GPHN: variants seen among roughly 807,000 people sequenced by gnomAD.
GPHN encodes gephyrin.
Under a neutral mutation model 95.5 loss-of-function variants are expected in GPHN, and 17 were observed. That is an observed-to-expected ratio of 0.18 (90% CI 0.12 to 0.27). GPHN has a LOEUF of 0.27. Among genes scored for constraint, GPHN ranks in the 10% least tolerant of loss-of-function variants. The pLI is 1.00. For synonymous variants in GPHN, 320 were observed against 322.5 expected (o/e 0.99, Z 0.08); for missense variants, 660 against 978.1 (o/e 0.67, Z 4.34).
the GPHN span, among the ~76,000 whole-genome samples, chr14:67,723,892 C>T: frequency 2.6e-5 from 4 of 152,212 alleles, no homozygotes; most frequent in African/African-American, 7.2e-5. Context: ...TGTTTGCCAT[C>T]GGCCAGAATG....
At chr14:67,650,908 T>G in the GPHN span, 11 of 1,613,900 alleles carry the variant, frequency 6.8e-6, no homozygotes, top group African/African-American at 1.3e-5. Flanking sequence ...ATCAAGCACG[T>G]GTGAGAATTT....
At chr14:67,487,391 A>C in the GPHN span, among the ~76,000 whole-genome samples, 5 of 152,192 alleles carry the variant, frequency 3.3e-5, no homozygotes, top group African/African-American at 1.2e-4. Context: ...GACAATCCAC[A>C]TGTCCAGGGT....
At chr14:67,680,010 A>G in the GPHN span, among the ~76,000 whole-genome samples, 1 of 152,216 alleles carries the variant, frequency 6.6e-6, no homozygotes, top group African/African-American at 2.4e-5. Context: ...AGTGGGATTC[A>G]AAGTGTGCAC....
intron 1 of GPHN, among the ~76,000 whole-genome samples, chr14:66,575,835 T>C (rs1016955020): frequency 6.6e-6 from 1 of 152,112 alleles, no homozygotes; most frequent in Non-Finnish European, 1.5e-5. Flanking sequence ...GTCTGGGATC[T>C]ACTGGAGTGG....
the GPHN span, chr14:67,279,058 T>G: frequency 1.0e-6 from 1 of 1,004,814 alleles, no homozygotes; most frequent in Non-Finnish European, 1.4e-6. Flanking sequence ...TATTATGTGA[T>G]GTGAGAAGTT....
chr14:66,850,159 T>C (rs1023339211), intron 4 of GPHN, among the ~76,000 whole-genome samples: 2 of 152,174 alleles, frequency 1.3e-5, no homozygotes, highest in African/African-American at 4.8e-5. Context: ...TAATGGTCTA[T>C]TCATAGATAT....
At chr14:67,488,694 A>T in the GPHN span, 1 of 152,582 alleles carries the variant, frequency 6.6e-6, no homozygotes, top group Middle Eastern at 3.4e-3. Context: ...CTAGGCCCTC[A>T]GCCACATCCA....
At chr14:66,679,035 C>T (rs1433852340) in intron 1 of GPHN, among the ~76,000 whole-genome samples, 1 of 152,150 alleles carries the variant, frequency 6.6e-6, no homozygotes, top group African/African-American at 2.4e-5. Flanking sequence ...ACATGGTGGC[C>T]TTACCACTGG....
chr14:66,766,870 C>T (rs1219867076), intron 2 of GPHN, among the ~76,000 whole-genome samples: 1 of 152,008 alleles, frequency 6.6e-6, no homozygotes, highest in African/African-American at 2.4e-5. Context: ...GCCTCTGCTT[C>T]CAGTCTTTTT....
At chr14:66,972,929 A>G (rs2069919187) in intron 9 of GPHN, among the ~76,000 whole-genome samples, 2 of 152,146 alleles carry the variant, frequency 1.3e-5, no homozygotes, top group South Asian at 2.1e-4. Context: ...ATTTTGTACC[A>G]TCAGTGCAAA....
intron 9 of GPHN, among the ~76,000 whole-genome samples, chr14:66,972,145 G>T (rs1439608895): frequency 6.6e-6 from 1 of 151,744 alleles, no homozygotes; most frequent in Non-Finnish European, 1.5e-5. Context: ...GTACATGCCT[G>T]TAGTCCCAGC....
the GPHN span, among the ~76,000 whole-genome samples, chr14:67,634,185 T>C: frequency 2.0e-5 from 3 of 152,268 alleles, no homozygotes; most frequent in South Asian, 6.2e-4. Context: ...CAAACCAGTA[T>C]TTTGTTTCTC....
At chr14:67,587,025 T>A in the GPHN span, 2 of 1,536,754 alleles carry the variant, frequency 1.3e-6, no homozygotes, top group Non-Finnish European at 1.8e-6. Context: ...AAAGCCAGGA[T>A]TCAAGCCAAG....
intron 18 of GPHN, among the ~76,000 whole-genome samples, chr14:67,157,964 T>C (rs1027868977): frequency 4.0e-5 from 6 of 151,660 alleles, no homozygotes; most frequent in African/African-American, 7.3e-5. Context: ...GTGAGATGGA[T>C]GAGAACAATG....
At chr14:67,266,889 C>A in the GPHN span, among the ~76,000 whole-genome samples, 1 of 151,966 alleles carries the variant, frequency 6.6e-6, no homozygotes, top group African/African-American at 2.4e-5. Context: ...GTGGACAGAT[C>A]ACTTGAGCCT....
At chr14:67,218,864 TG>T in the GPHN span, among the ~76,000 whole-genome samples, 1 of 152,018 alleles carries the variant, frequency 6.6e-6, no homozygotes, top group South Asian at 2.1e-4. Context: ...ACTCTCCCTC[TG>T]GCTAGAAGTG....
At chr14:66,769,793 C>G (rs756033625) in intron 2 of GPHN, among the ~76,000 whole-genome samples, 1 of 152,030 alleles carries the variant, frequency 6.6e-6, no homozygotes, top group Non-Finnish European at 1.5e-5. Context: ...TGAACATATA[C>G]GTTGCATGTG....
chr14:66,724,721 A>G (rs1249216242), intron 2 of GPHN, among the ~76,000 whole-genome samples: 1 of 152,212 alleles, frequency 6.6e-6, no homozygotes, highest in African/African-American at 2.4e-5. Flanking sequence ...ACATGCCTTC[A>G]GCTTAGAATA....
rs550807610 is a variant in GPHN, at chr14:66,905,398, C to CA, written c.390-10604dup. Among the ~76,000 whole-genome samples, 10 of 152,192 alleles carry CA rather than the reference C, an allele frequency of 6.6e-5. 1 individual carries two copies. In the South Asian group the frequency reaches 1.7e-3, roughly 25 times the overall value. On this transcript the variant is annotated intron_variant, in intron 5 of 22. Transcript: ENST00000478722. Reference sequence around the variant, plus strand: ...TTTGAGCTCTTGGTTAGGGAGCTCACATATTGCTGTTTCATTAGGGCCAGT... The same window carrying CA: ...TTTGAGCTCTTGGTTAGGGAGCTCACAATATTGCTGTTTCATTAGGGCCAGT...
Sources: gnomAD v4.1 joint callset for allele counts (sites outside exome capture counted in the v4.1 genomes callset) on GRCh38, gnomAD v4.1.1 for gene constraint, MANE v1.5 for transcripts, NCBI Gene and HGNC (gene_info 2026-07-23, HGNC 2026-07-21) for gene names.